The following OR2L13 variants were observed in gnomAD, a reference collection of about 807,000 sequenced individuals.
The protein encoded by OR2L13 is olfactory receptor 2L13.
OR2L13 carries 14 observed loss-of-function variants against 15.3 expected under a neutral mutation model. The observed-to-expected ratio is 0.91, with a 90% CI of 0.60 to 1.43. The LOEUF is 1.43. Among genes scored for constraint, OR2L13 ranks in the 40% most tolerant of loss-of-function variants. The probability of loss-of-function intolerance (pLI) is 0.00; values close to 1 mark genes in which losing one functional copy is unlikely to be tolerated. For synonymous variants in OR2L13, 152 were observed against 142.9 expected (o/e 1.06, Z -0.45); for missense variants, 367 against 387.9 (o/e 0.95, Z 0.45).
At chr1:248,083,387 C>T in the OR2L13 span, 3 of 386,812 alleles carry the variant, frequency 7.8e-6, no homozygotes, top group South Asian at 1.4e-4. Context: ...ATATTGTCAA[C>T]AGTACTTATA....
At chr1:247,983,381 A>T in the OR2L13 span, among the ~76,000 whole-genome samples, 2 of 152,014 alleles carry the variant, frequency 1.3e-5, no homozygotes, top group African/African-American at 2.4e-5. Flanking sequence ...CATCATCAGA[A>T]TTTTTTCTGC....
the OR2L13 span, among the ~76,000 whole-genome samples, chr1:247,998,248 C>T: frequency 6.6e-6 from 1 of 152,088 alleles, no homozygotes. Flanking sequence ...GTGTGAAATA[C>T]AGGCAACAAA....
At chr1:247,986,367 GA>G in the OR2L13 span, among the ~76,000 whole-genome samples, 1 of 152,124 alleles carries the variant, frequency 6.6e-6, no homozygotes, top group African/African-American at 2.4e-5. Context: ...ATTAAATAGG[GA>G]ATCCTTTCCC....
the OR2L13 span, among the ~76,000 whole-genome samples, chr1:247,973,623 G>A: frequency 2.0e-5 from 3 of 152,124 alleles, no homozygotes; most frequent in African/African-American, 7.2e-5. Context: ...CGAAGGATAT[G>A]AACAGACACT....
chr1:248,073,319 C>A, the OR2L13 span, among the ~76,000 whole-genome samples: 17 of 152,160 alleles, frequency 1.1e-4, no homozygotes, highest in African/African-American at 4.1e-4. Flanking sequence ...AGTTTATGCC[C>A]TTTGTAGGGA....
chr1:247,991,147 A>G, the OR2L13 span: 1 of 1,606,308 alleles, frequency 6.2e-7, no homozygotes, highest in East Asian at 2.2e-5. Flanking sequence ...CCTGAGAAAC[A>G]AGGAGGTGAT....
the OR2L13 span, chr1:247,939,627 A>G: frequency 8.5e-5 from 13 of 152,140 alleles, no homozygotes; most frequent in Non-Finnish European, 1.6e-4. Flanking sequence ...AGAATAGGAA[A>G]ATTCCTTTCA....
At chr1:247,982,843 A>G in the OR2L13 span, among the ~76,000 whole-genome samples, 1 of 152,116 alleles carries the variant, frequency 6.6e-6, no homozygotes, top group East Asian at 1.9e-4. Flanking sequence ...TTATTATTTC[A>G]CAGTTATTTA....
chr1:248,074,540 T>C, the OR2L13 span, among the ~76,000 whole-genome samples: 1 of 152,134 alleles, frequency 6.6e-6, no homozygotes, highest in African/African-American at 2.4e-5. Context: ...ATAGCATTTC[T>C]ATACACCAAC....
At chr1:248,089,242 G>A in the OR2L13 span, among the ~76,000 whole-genome samples, 12 of 152,110 alleles carry the variant, frequency 7.9e-5, no homozygotes, top group Admixed American at 2.6e-4. Flanking sequence ...AAATGAAGAG[G>A]TACATCTGGG....
chr1:248,094,400 T>A (rs1177407350), upstream of OR2L13, among the ~76,000 whole-genome samples: 1 of 152,212 alleles, frequency 6.6e-6, no homozygotes, highest in Non-Finnish European at 1.5e-5. Flanking sequence ...GATGCTACAG[T>A]TGATTGAGCC....
At chr1:248,003,862 C>A in the OR2L13 span, 1 of 1,612,644 alleles carries the variant, frequency 6.2e-7, no homozygotes, top group African/African-American at 1.3e-5. Context: ...GCACCCACCT[C>A]ACTGTAGTAA....
the OR2L13 span, among the ~76,000 whole-genome samples, chr1:248,028,912 A>G: frequency 6.6e-6 from 1 of 152,228 alleles, no homozygotes; most frequent in Non-Finnish European, 1.5e-5. Context: ...CTGTGAAAAC[A>G]GTACCGTGGT....
chr1:247,948,719 T>A, the OR2L13 span: 6 of 643,478 alleles, frequency 9.3e-6, no homozygotes, highest in Admixed American at 1.8e-4. Context: ...AAAATAATAG[T>A]GTATTTAGGG....
At chr1:247,951,950 A>C in the OR2L13 span, among the ~76,000 whole-genome samples, 2 of 152,080 alleles carry the variant, frequency 1.3e-5, no homozygotes, top group South Asian at 4.2e-4. Flanking sequence ...GGTGCTGTGA[A>C]GTATTACAAG....
chr1:248,095,620 T>TTTTTTTTTTTG (rs1288764969), upstream of OR2L13, among the ~76,000 whole-genome samples: 3 of 120,400 alleles, frequency 2.5e-5, no homozygotes, highest in Non-Finnish European at 5.3e-5. Context: ...TTTTTTTTTT[T>TTTTTTTTTTTG]TTTTGAGATG....
chr1:247,960,898 A>G, the OR2L13 span, among the ~76,000 whole-genome samples: 1 of 152,150 alleles, frequency 6.6e-6, no homozygotes, highest in Non-Finnish European at 1.5e-5. Flanking sequence ...AGGTGAGGCC[A>G]TGCCTTGCCC....
the OR2L13 span, among the ~76,000 whole-genome samples, chr1:247,944,724 T>G: frequency 6.6e-6 from 1 of 152,112 alleles, no homozygotes; most frequent in Non-Finnish European, 1.5e-5. Context: ...GGCATTTGGG[T>G]TGATTCCACA....
chr1:247,960,140 G>T, the OR2L13 span, among the ~76,000 whole-genome samples: 5 of 152,276 alleles, frequency 3.3e-5, no homozygotes, highest in East Asian at 3.9e-4. Context: ...CTTTCTGTTT[G>T]TTAGTTTTCC....
Sources: gnomAD v4.1 joint callset for allele counts (sites outside exome capture counted in the v4.1 genomes callset) on GRCh38, gnomAD v4.1.1 for gene constraint, MANE v1.5 for transcripts, NCBI Gene and HGNC (gene_info 2026-07-23, HGNC 2026-07-21) for gene names.